The following ADCY8 variants were observed in gnomAD, a reference collection of about 807,000 sequenced individuals.
ADCY8 encodes adenylate cyclase 8.
In ADCY8, 51 loss-of-function variants were observed where a neutral mutation model predicts 119.7. The ratio of observed to expected loss-of-function variants is 0.43; its 90% CI spans 0.34 to 0.54. ADCY8 has a LOEUF of 0.54. ADCY8 is among the 20% of genes least tolerant of loss of function. ADCY8 has a pLI of 0.03. For missense variants in ADCY8, 1,383 were observed against 1,598.8 expected, an observed-to-expected ratio of 0.87 and a Z score of 2.30; for synonymous variants, 665 against 651.0, an observed-to-expected ratio of 1.02 and a Z score of -0.33.
intron 6 of ADCY8, 109 bp from the exon 7 acceptor site, chr8:130,904,151 G>A (rs1339486211): frequency 1.6e-5 from 18 of 1,112,220 alleles, no homozygotes; most frequent in Non-Finnish European, 2.2e-5. Context: ...GGTATTATTA[G>A]GACATGTCCT....
intron 1 of ADCY8, among the ~76,000 whole-genome samples, chr8:131,012,836 C>T (rs1586655738): frequency 6.6e-6 from 1 of 152,196 alleles, no homozygotes; most frequent in Admixed American, 6.5e-5. Context: ...CTCAACTTGT[C>T]TATTTCTGCT....
chr8:130,817,132 A>C (rs1481489887), intron 13 of ADCY8, among the ~76,000 whole-genome samples: 1 of 152,246 alleles, frequency 6.6e-6, no homozygotes, highest in Non-Finnish European at 1.5e-5. Flanking sequence ...TTGTATTAAT[A>C]TACTTAGACT....
At chr8:130,958,509 G>C (rs1586606544) in intron 2 of ADCY8, among the ~76,000 whole-genome samples, 1 of 152,146 alleles carries the variant, frequency 6.6e-6, no homozygotes, top group Non-Finnish European at 1.5e-5. Flanking sequence ...AAGGAAAGAG[G>C]TTTAATGGAT....
intron 2 of ADCY8, among the ~76,000 whole-genome samples, chr8:130,968,031 G>T (rs528208370): frequency 5.3e-5 from 8 of 152,286 alleles, no homozygotes; most frequent in African/African-American, 1.7e-4. Context: ...CTTGTAACAT[G>T]CTTAGTGGCA....
intron 10 of ADCY8, among the ~76,000 whole-genome samples, chr8:130,849,065 C>T (rs2130312186): frequency 6.6e-6 from 1 of 152,184 alleles, no homozygotes; most frequent in East Asian, 1.9e-4. Flanking sequence ...TTTCCATTTC[C>T]CCCACCCCAC....
intron 3 of ADCY8, among the ~76,000 whole-genome samples, chr8:130,946,342 C>T (rs1187833480): frequency 6.6e-6 from 1 of 152,168 alleles, no homozygotes; most frequent in Non-Finnish European, 1.5e-5. Context: ...GTTCCAATAT[C>T]ATCAAACTTC....
intron 11 of ADCY8, among the ~76,000 whole-genome samples, chr8:130,846,765 C>CCCTTCCTTCCTTCT (rs1209859858): frequency 1.7e-5 from 2 of 119,984 alleles, no homozygotes; most frequent in African/African-American, 7.0e-5. Flanking sequence ...TCCTTCCTTC[C>CCCTTCCTTCCTTCT]CCTTCCTTCC....
At chr8:130,849,476 G>C in intron 10 of ADCY8, 126 bp downstream of exon 10, 1 of 951,760 alleles carries the variant, frequency 1.1e-6, no homozygotes. Context: ...CTAAGCTTGG[G>C]GCTGGACCAG....
intron 13 of ADCY8, among the ~76,000 whole-genome samples, chr8:130,816,427 C>CTTTTTTTTTT (rs59803292): frequency 8.3e-6 from 1 of 121,194 alleles, no homozygotes; most frequent in Non-Finnish European, 1.6e-5. Context: ...ATTTTTTTTT[C>CTTTTTTTTTT]TTTTTTTTTT....
At chr8:130,986,545 G>A (rs183240257) in intron 2 of ADCY8, among the ~76,000 whole-genome samples, 50 of 152,144 alleles carry the variant, frequency 3.3e-4, no homozygotes, top group African/African-American at 1.1e-3. Context: ...ATCATGACAT[G>A]CAGCGAGTAC....
chr8:130,807,792 G>T (rs904859989), intron 14 of ADCY8, among the ~76,000 whole-genome samples: 22 of 151,310 alleles, frequency 1.5e-4, no homozygotes, highest in African/African-American at 5.3e-4. Flanking sequence ...AGACCATCCC[G>T]GCTAAAACGG....
rs985768193 is a variant in ADCY8, at chr8:131,030,634, C to G, written c.960+8740G>C. Among the ~76,000 whole-genome samples the G allele has an allele frequency of 1.1e-4, 17 of 152,198 alleles. 1 individual carries two copies. The highest frequency in any genetic ancestry group is 4.1e-4 in the African/African-American group (17 of 41,450). ...CACAAATTCCCTACCCAAATCCATC[C>G]AAGCATCAGCTCCATTACATCAATA... On this transcript the variant is annotated intron_variant, in intron 1 of 17. Coordinates refer to ENST00000286355, the MANE Select transcript of ADCY8 (RefSeq NM_001115.3).
chr8:130,885,613 G>T (rs1818953905), intron 7 of ADCY8, among the ~76,000 whole-genome samples: 1 of 151,818 alleles, frequency 6.6e-6, no homozygotes, highest in Admixed American at 6.6e-5. Context: ...CTAGCCAAAT[G>T]CAGTGTTCAC....
intron 5 of ADCY8, among the ~76,000 whole-genome samples, chr8:130,936,073 A>ATG (rs35028784): frequency 0.11 from 15,987 of 146,928 alleles, 874 homozygotes; most frequent in South Asian, 0.15. Context: ...AAGCACTGAC[A>ATG]TGTGTGTGTG....
intron 13 of ADCY8, among the ~76,000 whole-genome samples, chr8:130,817,786 A>G (rs916601738): frequency 3.9e-5 from 6 of 152,214 alleles, no homozygotes; most frequent in Admixed American, 2.0e-4. Context: ...TTCAGCATTT[A>G]TCTTTGCTTT....
intron 7 of ADCY8, among the ~76,000 whole-genome samples, chr8:130,891,390 C>A (rs1819182414): frequency 1.3e-5 from 2 of 152,066 alleles, no homozygotes; most frequent in South Asian, 4.1e-4. Flanking sequence ...GAGAAGGCTT[C>A]TACTTTAAAA....
chr8:130,826,693 G>T (rs576657568), intron 12 of ADCY8, among the ~76,000 whole-genome samples: 1 of 143,260 alleles, frequency 7.0e-6, no homozygotes, highest in Non-Finnish European at 1.5e-5. Context: ...CCTCTGAGAA[G>T]CCCCTACACA....
chr8:131,015,696 T>TA lies in ADCY8; in HGVS notation c.960+23677dup, dbSNP rs1246257235. ...TCTCCTTGGTATCTAGTGATTTATT[T>TA]AAAAAAATTATCTTATTTTTTATAA... is the stretch of plus-strand genomic sequence containing the variant. On this transcript the variant is annotated intron_variant, in intron 1 of 17. Coordinates refer to ENST00000286355, the MANE Select transcript of ADCY8 (RefSeq NM_001115.3). 3.3e-5 allele frequency among the ~76,000 whole-genome samples: 5 copies of TA among 152,284 alleles called. No homozygotes were observed. The East Asian group carries it at 9.6e-4, about 29-fold the overall frequency.
chr8:130,797,809 A>G (rs138506533), intron 15 of ADCY8, among the ~76,000 whole-genome samples: 4 of 152,340 alleles, frequency 2.6e-5, no homozygotes, highest in Non-Finnish European at 5.9e-5. Context: ...ATCACGTCTT[A>G]TCCATCTTGA....
Sources: allele counts gnomAD v4.1 joint callset (sites outside exome capture counted in the v4.1 genomes callset), GRCh38; gene constraint gnomAD v4.1.1; transcripts MANE v1.5; gene names NCBI Gene and HGNC (gene_info 2026-07-23, HGNC 2026-07-21).